The following MTUS1 variants were observed in gnomAD, a reference collection of about 807,000 sequenced individuals.
MTUS1 encodes the protein microtubule associated scaffold protein 1.
In MTUS1, 109 loss-of-function variants were observed where a neutral mutation model predicts 120.8. That is an observed-to-expected ratio of 0.90 (90% CI 0.77 to 1.06). The LOEUF is 1.06. MTUS1 is among the 50% of genes least tolerant of loss of function. The probability of loss-of-function intolerance (pLI) is 0.00; values close to 1 mark genes in which losing one functional copy is unlikely to be tolerated. For missense variants in MTUS1, 2,210 were observed against 1,486.3 expected, an observed-to-expected ratio of 1.49 and a Z score of -8.01; for synonymous variants, 737 against 550.5, an observed-to-expected ratio of 1.34 and a Z score of -4.74.
chr8:17,653,394 G>A (rs772598877), intron 11 of MTUS1, 31 bp downstream of exon 11: 5 of 1,539,456 alleles, frequency 3.2e-6, no homozygotes, highest in Admixed American at 2.0e-5. Context: ...TTTTTTTTGT[G>A]GGGGATACTG....
rs534519567 is a variant in MTUS1 at position 17,690,438 on chromosome 8, A to G, written c.2624-5896T>C. On this transcript the variant is annotated intron_variant, in intron 6 of 14. Coordinates refer to ENST00000693296, the MANE Select transcript of MTUS1 (RefSeq NM_001363059.2). ...GCAATGCTTATACACTGTTGGTGGG[A>G]CTGTGAATTAGTACAATCTCTATGG... is the stretch of plus-strand genomic sequence containing the variant. Among the ~76,000 whole-genome samples the G allele has an allele frequency of 9.3e-4, 142 of 152,214 alleles. 4 individuals are homozygous for G. Among genetic ancestry groups the G allele is most frequent in the Non-Finnish European group, 3.5e-4 (24 of 68,030 alleles).
intron 1 of MTUS1, among the ~76,000 whole-genome samples, chr8:17,798,781 C>A (rs1279843340): frequency 6.6e-6 from 1 of 151,978 alleles, no homozygotes; most frequent in Admixed American, 6.6e-5. Context: ...ATATATAAAG[C>A]AAAGATAAAA....
chr8:17,713,662 G>A (rs530377855), intron 5 of MTUS1, among the ~76,000 whole-genome samples: 5 of 152,146 alleles, frequency 3.3e-5, no homozygotes, highest in East Asian at 1.9e-4. Context: ...GAAACTACCC[G>A]TTTCTATTCA....
intron 6 of MTUS1, chr8:17,697,294 A>C: frequency 6.2e-7 from 1 of 1,614,162 alleles, no homozygotes. Flanking sequence ...TAAACCCTGA[A>C]GGAAGTCGAA....
rs115940536 is a variant in MTUS1 at position 17,770,195 on chromosome 8, A to G, written c.-154-14234T>C. On this transcript the variant is annotated intron_variant, in intron 1 of 14. Coordinates refer to ENST00000693296, the MANE Select transcript of MTUS1 (RefSeq NM_001363059.2). ...TGCATTTGATTATTATCCTTTACAA[A>G]AAGTACATAAGGGGATACTCACTTT... 4.0e-3 allele frequency among the ~76,000 whole-genome samples: 602 copies of G among 152,322 alleles called. 10 individuals are homozygous for G. Among genetic ancestry groups the G allele is most frequent in the African/African-American group, 0.014 (574 of 41,564 alleles).
chr8:17,778,591 C>T (rs1282165931), intron 1 of MTUS1, among the ~76,000 whole-genome samples: 12 of 151,968 alleles, frequency 7.9e-5, no homozygotes, highest in Non-Finnish European at 1.3e-4. Context: ...AGGAGGCAGG[C>T]GGATCCCTTG....
chr8:17,752,721 C>T (rs1424695516), intron 2 of MTUS1, among the ~76,000 whole-genome samples: 1 of 152,126 alleles, frequency 6.6e-6, no homozygotes, highest in East Asian at 1.9e-4. Flanking sequence ...CACGAGCCCT[C>T]CAAGGGACAG....
At chr8:17,654,274 C>T (rs1797235035) in intron 10 of MTUS1, 1 of 441,616 alleles carries the variant, frequency 2.3e-6, no homozygotes, top group African/African-American at 2.0e-5. Context: ...GTACTTGCCA[C>T]TTCCCAGGGA....
intron 2 of MTUS1, among the ~76,000 whole-genome samples, chr8:17,744,534 C>G (rs1268170445): frequency 6.6e-6 from 1 of 152,140 alleles, no homozygotes; most frequent in Non-Finnish European, 1.5e-5. Context: ...GATTCTCCTG[C>G]CTCAGCCTCC....
intron 8 of MTUS1, among the ~76,000 whole-genome samples, chr8:17,668,188 A>G (rs1405495479): frequency 6.6e-6 from 1 of 151,844 alleles, no homozygotes; most frequent in African/African-American, 2.4e-5. Flanking sequence ...ACAAATTTGT[A>G]AACTTTCTTA....
chr8:17,751,579 G>T lies in MTUS1; in HGVS notation c.2091+2138C>A, dbSNP rs565468768. ...AGACATGATCGTGAAAAAAGAGTAGGCCGGGGGCAGTGGCTCACGCCTGTA... is the reference window on the plus strand; with the variant it reads ...AGACATGATCGTGAAAAAAGAGTAGTCCGGGGGCAGTGGCTCACGCCTGTA... On this transcript the variant is annotated intron_variant, in intron 2 of 14. Coordinates refer to ENST00000693296, the MANE Select transcript of MTUS1 (RefSeq NM_001363059.2). Among the ~76,000 whole-genome samples the T allele has an allele frequency of 3.9e-5, 6 of 151,906 alleles. No homozygotes were observed. In the South Asian group the frequency reaches 1.3e-3, roughly 32 times the overall value.
At chr8:17,694,600 G>A (rs187232532) in intron 6 of MTUS1, among the ~76,000 whole-genome samples, 13 of 152,080 alleles carry the variant, frequency 8.5e-5, no homozygotes, top group South Asian at 2.1e-4. Context: ...CCTGGGAGGC[G>A]GAGGTTGCAG....
Position 17,754,577 on chromosome 8 carries a change from G to C in MTUS1, c.1231C>G (p.Leu411Val). Residue 411 changes from leucine to valine, a missense_variant, in exon 2 of 15, where the codon CTG becomes GTG. Leu to Val is a conservative substitution (Grantham distance 32). Transcript: ENST00000693296. ...PGQKVGSSFG[L>V]TWDANDMVIS... is the part of the protein sequence containing the mutation. ...ACCATATCATTTGCATCCCAAGTCA[G>C]TCCAAATGACGAGCCCACCTTTTGT... 1.9e-6 allele frequency: 3 copies of C among 1,614,176 alleles called. No individual in the cohort carries two copies. The highest frequency in any genetic ancestry group is 2.5e-6 in the Non-Finnish European group (3 of 1,180,030).
intron 8 of MTUS1, among the ~76,000 whole-genome samples, chr8:17,666,952 C>A (rs551719886): frequency 6.6e-6 from 1 of 152,188 alleles, no homozygotes; most frequent in African/African-American, 2.4e-5. Context: ...AACTGAGGAT[C>A]TGCATTTCAA....
chr8:17,780,674 G>GTC (rs776567129), intron 1 of MTUS1, among the ~76,000 whole-genome samples: 1 of 152,156 alleles, frequency 6.6e-6, no homozygotes, highest in African/African-American at 2.4e-5. Context: ...AGCCACCACT[G>GTC]TCTCTCTCTG....
chr8:17,648,236 T>A (rs1318618001), intron 13 of MTUS1, among the ~76,000 whole-genome samples: 1 of 152,190 alleles, frequency 6.6e-6, no homozygotes, highest in Non-Finnish European at 1.5e-5. Context: ...AGGCCTGTAA[T>A]TTACAAATAT....
At chr8:17,667,411 T>C (rs1054554400) in intron 8 of MTUS1, among the ~76,000 whole-genome samples, 8 of 152,244 alleles carry the variant, frequency 5.3e-5, no homozygotes, top group African/African-American at 1.9e-4. Flanking sequence ...TTTAAATACA[T>C]AGCCTTGTTA....
intron 6 of MTUS1, among the ~76,000 whole-genome samples, chr8:17,687,760 T>C (rs1816126179): frequency 6.6e-6 from 1 of 152,214 alleles, no homozygotes; most frequent in African/African-American, 2.4e-5. Flanking sequence ...ATTTGCTCAT[T>C]TGGAAAGCAG....
At chr8:17,693,325 G>T in intron 6 of MTUS1, 1 of 152,192 alleles carries the variant, frequency 6.6e-6, no homozygotes, top group East Asian at 1.9e-4. Flanking sequence ...GCAACATCAC[G>T]CACAGTTCCT....
Sources: allele counts gnomAD v4.1 joint callset (sites outside exome capture counted in the v4.1 genomes callset), GRCh38; gene constraint gnomAD v4.1.1; transcripts MANE v1.5; gene names NCBI Gene and HGNC (gene_info 2026-07-23, HGNC 2026-07-21).